PNPLA4: variants seen among roughly 807,000 people sequenced by gnomAD.
The protein encoded by PNPLA4 is patatin-like phospholipase domain-containing protein 4.
A neutral mutation model predicts 18.3 loss-of-function variants in PNPLA4; 15 were observed. That is an observed-to-expected ratio of 0.82 (90% confidence interval 0.55 to 1.26). The LOEUF (loss-of-function observed/expected upper bound fraction) is 1.26, where lower values mean the gene tolerates loss of function less well. Among genes scored for constraint, PNPLA4 ranks in the 50% most tolerant of loss-of-function variants. The pLI is 0.00. For missense variants in PNPLA4, 229 were observed against 196.8 expected, an observed-to-expected ratio of 1.16 and a Z score of -0.98; for synonymous variants, 88 against 85.6, an observed-to-expected ratio of 1.03 and a Z score of -0.16.
chrX:7,914,437 A>C (rs1923973426), intron 4 of PNPLA4, among the ~76,000 whole-genome samples: 1 of 111,849 alleles, frequency 8.9e-6, no homozygotes, highest in African/African-American at 3.3e-5. Context: ...TTTACGGTTA[A>C]GGTAACTGCA....
In PNPLA4 at chrX:7,912,035, T is replaced by C; in HGVS notation, c.470A>G (p.Lys157Arg). Reference sequence around the variant, plus strand: ...CAGTTATAACAAGCTTACCTGCCCTTTGTATTCCACTAGCTTCAGTCCTGC... The same window carrying C: ...CAGTTATAACAAGCTTACCTGCCCTCTGTATTCCACTAGCTTCAGTCCTGC... ...IYAGLKLVEY[K>R]GQKWVDGGLT... The change falls in exon 5 of 7, where the codon AAA becomes AGA. Residue 157 changes from lysine to arginine, a missense_variant. Physicochemically the swap from Lys to Arg is conservative, Grantham distance 26 (BLOSUM62 2). Coordinates refer to ENST00000381042, the MANE Select transcript of PNPLA4 (RefSeq NM_004650.3). 8.3e-7 allele frequency: 1 copy of C among 1,197,862 alleles called. No homozygotes were observed. The highest frequency in any genetic ancestry group is 1.8e-5 in the South Asian group (1 of 56,597).
rs982093028 is a variant in PNPLA4, at chrX:7,900,526, T to C, written c.*160A>G. 3.0e-5 allele frequency: 11 copies of C among 369,827 alleles called. No individual in the cohort carries two copies. In the Admixed American group the frequency reaches 4.1e-4, roughly 14 times the overall value. The allele number at this position is 369,827 out of a possible 1,213,427, so 30.5% of individuals were successfully genotyped here. A position where few individuals can be genotyped will look rare whatever the true frequency, so the allele number is the denominator to read the frequency against. On this transcript the variant is annotated 3_prime_UTR_variant, in exon 7 of 7. Transcript: ENST00000381042. ...TCAAATTCTAATAAAGTGCCTCTTA[T>C]ATCCATGTGCTAAGTAATAATTCAA...
At chrX:7,924,400 T>C (rs1204861848) in intron 2 of PNPLA4, among the ~76,000 whole-genome samples, 1 of 112,374 alleles carries the variant, frequency 8.9e-6, no homozygotes, top group African/African-American at 3.2e-5. Context: ...AAGGCTATCC[T>C]ACAAGTGGAT....
rs1923509172 is a variant in PNPLA4, at chrX:7,900,824, T to A, written c.631-7A>T. ...CCAGGTTTGCCAGGGACAACTAGAA[T>A]AAAAAGACCAAAATTTAAGCTGTAG... On this transcript the variant is annotated splice_region_variant and splice_polypyrimidine_tract_variant and intron_variant, in intron 6 of 6. Coordinates refer to ENST00000381042, the MANE Select transcript of PNPLA4 (RefSeq NM_004650.3). 4 of 1,188,236 alleles carry A rather than the reference T, an allele frequency of 3.4e-6. No homozygotes were observed. The highest frequency in any genetic ancestry group is 3.4e-6 in the Non-Finnish European group (3 of 881,231).
chrX:7,900,756 AT>A lies in PNPLA4; in HGVS notation c.691del (p.Met231TrpfsTer30). ...AAAACCACACTGATACAAAGATTCC[AT>A]TTTCCTCTTGCTTGGGGGAAAAAGG... Reference protein sequence around the residue: ...QALFPPSKRKMESLYQCGFDD... With the variant: ...QALFPPSKRKXESLYQCGFDD... On this transcript the variant is annotated frameshift_variant, in exon 7 of 7. Transcript: ENST00000381042. The A allele has an allele frequency of 8.3e-7, 1 of 1,198,768 alleles. No individual in the cohort carries two copies. Among genetic ancestry groups the A allele is most frequent in the Non-Finnish European group, 1.1e-6 (1 of 885,175 alleles).
intron 5 of PNPLA4, among the ~76,000 whole-genome samples, chrX:7,904,445 AT>A (rs1199979172): frequency 8.9e-6 from 1 of 112,054 alleles, no homozygotes; most frequent in Admixed American, 9.5e-5. Flanking sequence ...ACTTGCAATG[AT>A]ACCGGCTCCT....
At chrX:7,914,490 T>G (rs1413121224) in intron 4 of PNPLA4, among the ~76,000 whole-genome samples, 1 of 112,060 alleles carries the variant, frequency 8.9e-6, no homozygotes, top group Non-Finnish European at 1.9e-5. Context: ...TTGGCTATGC[T>G]TTTAAAAAAA....
chrX:7,922,929 T>C (rs946057187), intron 2 of PNPLA4, among the ~76,000 whole-genome samples: 3 of 112,190 alleles, frequency 2.7e-5, no homozygotes, highest in Admixed American at 9.4e-5. Context: ...GAGCAGGTCA[T>C]AGAGGGCTAT....
chrX:7,898,335 C>T lies in PNPLA4; in HGVS notation c.*2351G>A, dbSNP rs1049713295. 1.8e-5 allele frequency: 2 copies of T among 111,906 alleles called. No homozygotes were observed. The highest frequency in any genetic ancestry group is 6.5e-5 in the African/African-American group (2 of 30,794). The allele number at this position is 111,906 out of a possible 1,213,427, so 9.2% of individuals were successfully genotyped here. ...TGGGAATTTATCAAGCTGCCAATCA[C>T]AGTAATTACCCTGCAAACATATCAG... On this transcript the variant is annotated 3_prime_UTR_variant, in exon 7 of 7. Coordinates refer to ENST00000381042, the MANE Select transcript of PNPLA4 (RefSeq NM_004650.3).
At chrX:7,910,647 A>G (rs1389430498) in intron 5 of PNPLA4, among the ~76,000 whole-genome samples, 1 of 110,357 alleles carries the variant, frequency 9.1e-6, no homozygotes, top group African/African-American at 3.3e-5. Context: ...ATTATAAAAC[A>G]TATCTCTGGC....
Position 7,923,426 on chromosome X carries a change from G to A in PNPLA4, c.181-1328C>T, listed in dbSNP as rs1412625376. 5.3e-5 allele frequency among the ~76,000 whole-genome samples: 6 copies of A among 112,183 alleles called. No homozygotes were observed. The Admixed American group carries it at 5.6e-4, about 11-fold the overall frequency. ...AATGGATTCTCCCCTGGAGCCTCTGGAGAGAGTGAGCATGGACATTTTGAT... is the reference window on the plus strand; with the variant it reads ...AATGGATTCTCCCCTGGAGCCTCTGAAGAGAGTGAGCATGGACATTTTGAT... On this transcript the variant is annotated intron_variant, in intron 2 of 6. Transcript: ENST00000381042.
intron 5 of PNPLA4, among the ~76,000 whole-genome samples, chrX:7,905,821 T>G (rs1923689344): frequency 8.9e-6 from 1 of 112,049 alleles, no homozygotes; most frequent in Non-Finnish European, 1.9e-5. Flanking sequence ...AAATAAAATT[T>G]TATTGGCACA....
At chrX:7,922,220 G>A in intron 2 of PNPLA4, 122 bp from the exon 3 acceptor site, 2 of 525,538 alleles carry the variant, frequency 3.8e-6, no homozygotes, top group South Asian at 2.9e-5. Context: ...TTAAAGGTGT[G>A]CAAATTCCCC....
At chrX:7,913,987 C>T (rs1923956251) in intron 4 of PNPLA4, among the ~76,000 whole-genome samples, 2 of 112,262 alleles carry the variant, frequency 1.8e-5, no homozygotes, top group African/African-American at 6.5e-5. Flanking sequence ...ATCTTTTGGT[C>T]AATTTCATGC....
In PNPLA4 at chrX:7,924,918, G is replaced by C. The variant is rs945007899; in HGVS notation, c.180+1022C>G. Among the ~76,000 whole-genome samples, 7 of 112,154 alleles carry C rather than the reference G, an allele frequency of 6.2e-5. No individual in the cohort carries two copies. In the East Asian group the frequency reaches 2.0e-3, roughly 31 times the overall value. Reference sequence around the variant, plus strand: ...CCTGAAAGCCCTCTGCTTCAAAAACGAAACACAGTTATGGGAAGGAGGTAG... The same window carrying C: ...CCTGAAAGCCCTCTGCTTCAAAAACCAAACACAGTTATGGGAAGGAGGTAG... On this transcript the variant is annotated intron_variant, in intron 2 of 6. Coordinates refer to ENST00000381042, the MANE Select transcript of PNPLA4 (RefSeq NM_004650.3).
At chrX:7,924,184 G>C (rs1924319855) in intron 2 of PNPLA4, among the ~76,000 whole-genome samples, 1 of 111,929 alleles carries the variant, frequency 8.9e-6, no homozygotes, top group Non-Finnish European at 1.9e-5. Context: ...GCAGCATTGA[G>C]CTCTTCCACA....
chrX:7,914,861 G>A (rs987997658), intron 4 of PNPLA4, among the ~76,000 whole-genome samples: 1 of 111,761 alleles, frequency 8.9e-6, no homozygotes, highest in Admixed American at 9.5e-5. Context: ...GATAATAACA[G>A]TAAGAATCCT....
At position 7,911,439 on chromosome X, in the gene PNPLA4, C is replaced by T. The variant is rs142973472; in HGVS notation, c.477+589G>A. Among the ~76,000 whole-genome samples the T allele has an allele frequency of 9.3e-3, 1,017 of 109,763 alleles. 3 individuals are homozygous for T. Among genetic ancestry groups the T allele is most frequent in the Non-Finnish European group, 0.015 (765 of 52,497 alleles). ...CAGAAGGAAGCTGGGTCACAGTCAG[C>T]GCAGACTTCAGGTGGAAGCCCATGT... is the stretch of plus-strand genomic sequence containing the variant. On this transcript the variant is annotated intron_variant, in intron 5 of 6. Coordinates refer to ENST00000381042, the MANE Select transcript of PNPLA4 (RefSeq NM_004650.3).
Position 7,899,222 on chromosome X carries a change from A to G in PNPLA4, c.*1464T>C, listed in dbSNP as rs1923434998. ...AAGTTGTGTATTTTGGCTTCTGAGA[A>G]CCATAAAATTGACTCAAAGAATAGT... is the stretch of plus-strand genomic sequence containing the variant. On this transcript the variant is annotated 3_prime_UTR_variant, in exon 7 of 7. Coordinates refer to ENST00000381042, the MANE Select transcript of PNPLA4 (RefSeq NM_004650.3). 8.9e-6 allele frequency: 1 copy of G among 111,863 alleles called. No individual in the cohort carries two copies. The highest frequency in any genetic ancestry group is 9.5e-5 in the Admixed American group (1 of 10,504). 9.2% of individuals were successfully genotyped at this position (111,863 alleles called of 1,213,427 possible).
Sources: allele counts gnomAD v4.1 joint callset (sites outside exome capture counted in the v4.1 genomes callset), GRCh38; gene constraint gnomAD v4.1.1; transcripts MANE v1.5; gene names NCBI Gene and HGNC (gene_info 2026-07-23, HGNC 2026-07-21).